CNTN5: variants seen among roughly 807,000 people sequenced by gnomAD.
CNTN5 encodes the protein contactin 5, also known as contactin-5.
A neutral mutation model predicts 129.1 loss-of-function variants in CNTN5; 77 were observed. That is an observed-to-expected ratio of 0.60 (90% CI 0.50 to 0.72). The LOEUF is 0.72. CNTN5 is among the 30% of genes least tolerant of loss of function. CNTN5 has a pLI of 0.00. For missense variants in CNTN5, 1,478 were observed against 1,328.8 expected, an observed-to-expected ratio of 1.11 and a Z score of -1.75; for synonymous variants, 509 against 465.6, an observed-to-expected ratio of 1.09 and a Z score of -1.20.
In CNTN5 at chr11:99,574,194, T is replaced by C. The variant is rs1949271557; in HGVS notation, c.55+17925T>C. On this transcript the variant is annotated intron_variant, in intron 3 of 24. Transcript: ENST00000524871. ...TCCTGTGTTAGTTTGCTGAGAATGA[T>C]GGTTTCCTGCTTCATCCATGTCCCT... 1.3e-5 allele frequency among the ~76,000 whole-genome samples: 2 copies of C among 152,184 alleles called. 1 individual carries two copies. The highest frequency in any genetic ancestry group is 2.9e-5 in the Non-Finnish European group (2 of 68,028).
rs1357665208 is a variant in CNTN5 at position 100,357,679 on chromosome 11, A to ATTTGT, written c.*1462_*1463insGTTTT. The ATTTGT allele has an allele frequency of 1.1e-3, 171 of 151,918 alleles. No homozygotes were observed. The highest frequency in any genetic ancestry group is 4.0e-3 in the African/African-American group (165 of 41,530). 9.4% of individuals were successfully genotyped at this position (151,918 alleles called of 1,614,324 possible). A position where few individuals can be genotyped will look rare whatever the true frequency, so the allele number is the denominator to read the frequency against. ...AAAATTGGTTTTATAATTTTATATA[A>ATTTGT]TTTAAACTTGTTAACTGTATTTGCT... On this transcript the variant is annotated 3_prime_UTR_variant, in exon 25 of 25. Coordinates refer to ENST00000524871, the MANE Select transcript of CNTN5 (RefSeq NM_014361.4).
At chr11:99,720,080 A>G (rs1198290341) in intron 3 of CNTN5, among the ~76,000 whole-genome samples, 3 of 152,180 alleles carry the variant, frequency 2.0e-5, no homozygotes, top group Non-Finnish European at 4.4e-5. Context: ...TGATGAGTTC[A>G]TAGCTGAATT....
intron 13 of CNTN5, among the ~76,000 whole-genome samples, chr11:100,142,113 G>A (rs1225696298): frequency 1.1e-4 from 16 of 152,132 alleles, no homozygotes; most frequent in Admixed American, 1.0e-3. Context: ...AGACCCCCAA[G>A]TTCTCAGGCT....
intron 1 of CNTN5, among the ~76,000 whole-genome samples, chr11:99,168,139 C>G (rs1050902166): frequency 2.0e-5 from 3 of 152,020 alleles, no homozygotes; most frequent in Non-Finnish European, 4.4e-5. Flanking sequence ...CGACAGACTT[C>G]CACCATGTTG....
intron 3 of CNTN5, among the ~76,000 whole-genome samples, chr11:99,767,979 T>C (rs1244447721): frequency 6.6e-6 from 1 of 152,140 alleles, no homozygotes; most frequent in Non-Finnish European, 1.5e-5. Flanking sequence ...CAATTTCAGC[T>C]TGTCATCTGC....
At chr11:99,882,792 T>C (rs140138446) in intron 6 of CNTN5, among the ~76,000 whole-genome samples, 4 of 152,328 alleles carry the variant, frequency 2.6e-5, no homozygotes, top group African/African-American at 9.6e-5. Context: ...TGCTATCAAA[T>C]AGTAAGTCTT....
intron 2 of CNTN5, among the ~76,000 whole-genome samples, chr11:99,511,624 T>C (rs1946839034): frequency 6.6e-6 from 1 of 151,900 alleles, no homozygotes; most frequent in African/African-American, 2.4e-5. Flanking sequence ...CGTTGATCTG[T>C]CTAATGTTGA....
intron 15 of CNTN5, among the ~76,000 whole-genome samples, chr11:100,211,198 G>C (rs1949022600): frequency 6.6e-6 from 1 of 152,032 alleles, no homozygotes; most frequent in African/African-American, 2.4e-5. Context: ...AGAACTTCTG[G>C]TGGGTGATGC....
intron 13 of CNTN5, among the ~76,000 whole-genome samples, chr11:100,107,850 A>G (rs1945504222): frequency 6.6e-6 from 1 of 152,076 alleles, no homozygotes; most frequent in African/African-American, 2.4e-5. Context: ...GCCTATATAG[A>G]TATATGTATG....
At chr11:100,350,559 A>T in intron 23 of CNTN5, 143 bp from the exon 24 acceptor site, 2 of 552,024 alleles carry the variant, frequency 3.6e-6, no homozygotes, top group Non-Finnish European at 6.3e-6. Context: ...ACTGCAGTAG[A>T]CTGCACATGT....
intron 1 of CNTN5, among the ~76,000 whole-genome samples, chr11:99,303,765 A>G (rs1357091328): frequency 6.6e-6 from 1 of 152,072 alleles, no homozygotes; most frequent in African/African-American, 2.4e-5. Flanking sequence ...TTGCATAAGA[A>G]TGCCTATGGT....
At chr11:99,123,804 G>T (rs920518243) in intron 1 of CNTN5, among the ~76,000 whole-genome samples, 7 of 151,940 alleles carry the variant, frequency 4.6e-5, no homozygotes, top group African/African-American at 1.7e-4. Context: ...TGAATAGGGA[G>T]TTCTTTCTCT....
intron 3 of CNTN5, among the ~76,000 whole-genome samples, chr11:99,707,571 T>C (rs374962997): frequency 1.9e-4 from 29 of 151,670 alleles, no homozygotes; most frequent in Admixed American, 9.2e-4. Flanking sequence ...CTGTTGTTAA[T>C]TGAATAATTT....
chr11:99,903,697 C>T (rs1023341559), intron 6 of CNTN5, among the ~76,000 whole-genome samples: 4 of 152,086 alleles, frequency 2.6e-5, no homozygotes, highest in Admixed American at 6.6e-5. Flanking sequence ...ACACCGTTAG[C>T]TTTAAAACTA....
chr11:100,153,524 G>A (rs964526572), intron 13 of CNTN5, among the ~76,000 whole-genome samples: 6 of 151,922 alleles, frequency 3.9e-5, no homozygotes, highest in African/African-American at 1.5e-4. Context: ...GATGTACTTC[G>A]TATTCTTGTT....
At chr11:99,794,195 T>A (rs1304645241) in intron 3 of CNTN5, among the ~76,000 whole-genome samples, 34 of 141,688 alleles carry the variant, frequency 2.4e-4, no homozygotes, top group Non-Finnish European at 3.9e-4. Context: ...TTTTTTTTTT[T>A]AATCTTCGTA....
At chr11:99,695,667 G>A (rs536356869) in intron 3 of CNTN5, among the ~76,000 whole-genome samples, 1 of 151,796 alleles carries the variant, frequency 6.6e-6, no homozygotes, top group Non-Finnish European at 1.5e-5. Context: ...GTGAGAGGAG[G>A]TTTGAGACCA....
At chr11:99,930,517 G>C (rs1950166620) in intron 7 of CNTN5, among the ~76,000 whole-genome samples, 1 of 152,138 alleles carries the variant, frequency 6.6e-6, no homozygotes, top group Admixed American at 6.5e-5. Context: ...TTGCCTGACA[G>C]TCACCTGACA....
Position 99,845,118 on chromosome 11 carries a change from G to A in CNTN5, c.433G>A (p.Glu145Lys). 3 of 1,613,630 alleles carry A rather than the reference G, an allele frequency of 1.9e-6. No homozygotes were observed. The highest frequency in any genetic ancestry group is 1.7e-5 in the Admixed American group (1 of 59,986). The change falls in exon 6 of 25, where the codon GAA becomes AAA. Residue 145 changes from glutamate to lysine, a missense_variant. Coordinates refer to ENST00000524871, the MANE Select transcript of CNTN5 (RefSeq NM_014361.4). Reference protein sequence around the residue: ...WLRNGTEIDLESDYRYSLIDG... With the variant: ...WLRNGTEIDLKSDYRYSLIDG... ...TCGAAATGGAACAGAAATAGATCTGGAAAGTGATTATCGCTACAGTTTGAT... is the reference window on the plus strand; with the variant it reads ...TCGAAATGGAACAGAAATAGATCTGAAAAGTGATTATCGCTACAGTTTGAT...
Sources: allele counts gnomAD v4.1 joint callset (sites outside exome capture counted in the v4.1 genomes callset), GRCh38; gene constraint gnomAD v4.1.1; transcripts MANE v1.5; gene names NCBI Gene and HGNC (gene_info 2026-07-23, HGNC 2026-07-21).